MYLK4: variants seen among roughly 807,000 people sequenced by gnomAD.
MYLK4 encodes the protein myosin light chain kinase family member 4.
In MYLK4, 46 loss-of-function variants were observed where a neutral mutation model predicts 48.1. That is an observed-to-expected ratio of 0.96 (90% CI 0.75 to 1.22). MYLK4 has a LOEUF of 1.22. Ranked by LOEUF, MYLK4 falls within the 50% of genes most tolerant of loss-of-function variation. MYLK4 has a pLI of 0.00. For missense variants in MYLK4, 451 were observed against 486.1 expected (o/e 0.93, Z 0.68); for synonymous variants, 170 against 180.8 (o/e 0.94, Z 0.48).
the MYLK4 span, among the ~76,000 whole-genome samples, chr6:2,762,951 AACACCAG>A: frequency 6.6e-6 from 1 of 152,222 alleles, no homozygotes; most frequent in African/African-American, 2.4e-5. Flanking sequence ...TTCAGACCCA[AACACCAG>A]CTAATGCAAA....
At chr6:2,704,152 G>A (rs771185781) in intron 2 of MYLK4, among the ~76,000 whole-genome samples, 1 of 152,190 alleles carries the variant, frequency 6.6e-6, no homozygotes, top group African/African-American at 2.4e-5. Context: ...TTGATTGACT[G>A]ATTTGTTGAT....
At chr6:2,680,176 A>G (rs1283562239) in intron 8 of MYLK4, 45 bp downstream of exon 8, 2 of 1,599,292 alleles carry the variant, frequency 1.3e-6, no homozygotes, top group East Asian at 4.5e-5. Flanking sequence ...GGCAACCATC[A>G]TGTCCCCCAG....
At chr6:2,678,713 T>G (rs1761180020) in intron 9 of MYLK4, among the ~76,000 whole-genome samples, 1 of 110,042 alleles carries the variant, frequency 9.1e-6, no homozygotes, top group African/African-American at 3.0e-5. Context: ...GGAGATCAGT[T>G]TTTTTTTTTT....
rs941521903 is a variant in MYLK4, at chr6:2,685,842, G to A, written c.342-266C>T. Among the ~76,000 whole-genome samples, 2 of 152,022 alleles carry A rather than the reference G, an allele frequency of 1.3e-5. No individual in the cohort carries two copies. Among genetic ancestry groups the A allele is most frequent in the Non-Finnish European group, 2.9e-5 (2 of 68,000 alleles). Reference sequence around the variant, plus strand: ...TCCCAGCACTTTGGGAGGCCGAGGCGGGAGGATCACGAGGTCAGGACCAGT... The same window carrying A: ...TCCCAGCACTTTGGGAGGCCGAGGCAGGAGGATCACGAGGTCAGGACCAGT... On this transcript the variant is annotated intron_variant, in intron 4 of 12. Coordinates refer to ENST00000274643, the MANE Select transcript of MYLK4 (RefSeq NM_001012418.5). This position sits in a 1 kb window ranked among gnomAD's most constrained non-coding sequence, Gnocchi z 4.5.
chr6:2,704,889 A>T (rs961231641), intron 2 of MYLK4, among the ~76,000 whole-genome samples: 3 of 152,220 alleles, frequency 2.0e-5, no homozygotes, highest in Admixed American at 2.0e-4. Flanking sequence ...AGCCAGTCCA[A>T]TTATACATCA....
At chr6:2,769,305 C>T in the MYLK4 span, among the ~76,000 whole-genome samples, 1 of 151,978 alleles carries the variant, frequency 6.6e-6, no homozygotes, top group Non-Finnish European at 1.5e-5. Flanking sequence ...CAGGCTCTGT[C>T]TTCAAGGTGA....
chr6:2,762,825 T>C, the MYLK4 span, among the ~76,000 whole-genome samples: 1 of 152,268 alleles, frequency 6.6e-6, no homozygotes, highest in African/African-American at 2.4e-5. Context: ...AGGTCTTAGG[T>C]CAGCATCTCT....
intron 3 of MYLK4, among the ~76,000 whole-genome samples, chr6:2,690,359 C>G (rs1268379595): frequency 6.6e-6 from 1 of 152,174 alleles, no homozygotes; most frequent in Non-Finnish European, 1.5e-5. Flanking sequence ...GGCACTCTGT[C>G]TGGTCAGCAT....
At chr6:2,766,914 A>G in the MYLK4 span, among the ~76,000 whole-genome samples, 1 of 152,190 alleles carries the variant, frequency 6.6e-6, no homozygotes, top group Non-Finnish European at 1.5e-5. Flanking sequence ...CTTTTCCACT[A>G]GTTGTTGGTT....
intron 4 of MYLK4, among the ~76,000 whole-genome samples, chr6:2,687,715 G>A (rs1761613448): frequency 6.6e-6 from 1 of 152,128 alleles, no homozygotes; most frequent in Non-Finnish European, 1.5e-5. Flanking sequence ...GGTTCCATTC[G>A]GCACAGGGCA....
intron 2 of MYLK4, 71 bp from the exon 3 acceptor site, chr6:2,692,930 A>C (rs1381186844): frequency 8.8e-6 from 12 of 1,363,070 alleles, no homozygotes; most frequent in Non-Finnish European, 1.2e-5. Flanking sequence ...CACTCCTGAC[A>C]CTTGCGCTGG....
chr6:2,764,520 CCT>C, the MYLK4 span, among the ~76,000 whole-genome samples: 1 of 152,296 alleles, frequency 6.6e-6, no homozygotes, highest in East Asian at 1.9e-4. Flanking sequence ...ACCAAAAATG[CCT>C]GTTTTGAGAT....
chr6:2,664,766 A>T lies in MYLK4; in HGVS notation c.*3159T>A, dbSNP rs547184096. 2.0e-5 allele frequency: 3 copies of T among 152,364 alleles called. No individual in the cohort carries two copies. The highest frequency in any genetic ancestry group is 7.2e-5 in the African/African-American group (3 of 41,584). The allele number at this position is 152,364 out of a possible 1,614,324, so 9.4% of individuals were successfully genotyped here. ...AGAGGAAATAACTGAAAACAAACTT[A>T]TGGCACTCAACAGACATGAGTGTTA... On this transcript the variant is annotated 3_prime_UTR_variant, in exon 13 of 13. Coordinates refer to ENST00000274643, the MANE Select transcript of MYLK4 (RefSeq NM_001012418.5).
At chr6:2,730,359 G>T (rs1219724249) in intron 2 of MYLK4, among the ~76,000 whole-genome samples, 2 of 152,314 alleles carry the variant, frequency 1.3e-5, no homozygotes, top group East Asian at 3.9e-4. Context: ...CCAGCATAGC[G>T]GGAGGAAGGA....
chr6:2,756,711 A>G, the MYLK4 span, among the ~76,000 whole-genome samples: 1 of 152,244 alleles, frequency 6.6e-6, no homozygotes, highest in Non-Finnish European at 1.5e-5. Flanking sequence ...AATTTTAAAC[A>G]TGAGAAAACA....
intron 2 of MYLK4, among the ~76,000 whole-genome samples, chr6:2,698,497 T>G (rs1158164331): frequency 6.6e-6 from 1 of 152,266 alleles, no homozygotes; most frequent in South Asian, 2.1e-4. Flanking sequence ...CAGAGGACGC[T>G]GGGTCATGTA....
the MYLK4 span, among the ~76,000 whole-genome samples, chr6:2,769,942 G>A: frequency 6.6e-6 from 1 of 152,188 alleles, no homozygotes; most frequent in Non-Finnish European, 1.5e-5. Context: ...AGACTTAAAA[G>A]CAAGAGTTGT....
chr6:2,699,293 T>TTTTTTTTC (rs1561849538), intron 2 of MYLK4, among the ~76,000 whole-genome samples: 2 of 90,324 alleles, frequency 2.2e-5, no homozygotes, highest in African/African-American at 9.5e-5. Context: ...TTTTCTTTTT[T>TTTTTTTTC]TTTTTTTTTT....
rs561975501 is a variant in MYLK4 at position 2,673,684 on chromosome 6, T to C, written c.1119+1363A>G. ...CCAGTTGAACATCCTAGATGTTCAG[T>C]AAAGTTACTTGGGCATTACACATCT... On this transcript the variant is annotated intron_variant, in intron 11 of 12. Transcript: ENST00000274643. The surrounding 1 kb of genome is among the most constrained non-coding windows in gnomAD (Gnocchi z 4.2). Among the ~76,000 whole-genome samples, 14 of 152,176 alleles carry C rather than the reference T, an allele frequency of 9.2e-5. No homozygotes were observed. Among genetic ancestry groups the C allele is most frequent in the South Asian group, 8.3e-4 (4 of 4,830 alleles).
Sources: allele counts gnomAD v4.1 joint callset (sites outside exome capture counted in the v4.1 genomes callset), GRCh38; gene constraint gnomAD v4.1.1; non-coding constraint Gnocchi (gnomAD v3.1); transcripts MANE v1.5; gene names NCBI Gene and HGNC (gene_info 2026-07-23, HGNC 2026-07-21).